Variants in ZMYM4 observed in about 807,000 individuals in gnomAD.
The protein encoded by ZMYM4 is zinc finger MYM-type protein 4.
A neutral mutation model predicts 183.2 loss-of-function variants in ZMYM4; 31 were observed. That is an observed-to-expected ratio of 0.17 (90% CI 0.13 to 0.23). The LOEUF (loss-of-function observed/expected upper bound fraction) is 0.23. Ranked by LOEUF, ZMYM4 falls within the 10% of genes least tolerant of loss-of-function variation. The pLI is 1.00. For missense variants in ZMYM4, 1,273 were observed against 1,840.3 expected (o/e 0.69, Z 5.64); for synonymous variants, 592 against 631.2 (o/e 0.94, Z 0.93).
intron 1 of ZMYM4, among the ~76,000 whole-genome samples, chr1:35,291,286 TC>T (rs149653353): frequency 7.2e-5 from 11 of 152,150 alleles, no homozygotes; most frequent in African/African-American, 2.7e-4. Flanking sequence ...GTTTTCACTT[TC>T]TTTTTTTTTG....
chr1:35,290,689 C>T (rs1307291496), intron 1 of ZMYM4, among the ~76,000 whole-genome samples: 1 of 152,104 alleles, frequency 6.6e-6, no homozygotes, highest in African/African-American at 2.4e-5. Flanking sequence ...CTTGGCCTTC[C>T]AAAGTGTGTT....
chr1:35,270,556 C>G (rs994825953), intron 1 of ZMYM4, among the ~76,000 whole-genome samples: 3 of 152,078 alleles, frequency 2.0e-5, no homozygotes, highest in Non-Finnish European at 4.4e-5. Flanking sequence ...GCCAGGAGTT[C>G]GAGACCAGCC....
intron 2 of ZMYM4, among the ~76,000 whole-genome samples, chr1:35,344,693 T>C (rs973164761): frequency 6.6e-6 from 1 of 152,198 alleles, no homozygotes; most frequent in African/African-American, 2.4e-5. Flanking sequence ...TTATGATATA[T>C]TATTTGTTTT....
chr1:35,320,385 A>G (rs907068744), intron 1 of ZMYM4, among the ~76,000 whole-genome samples: 1 of 152,152 alleles, frequency 6.6e-6, no homozygotes, highest in Non-Finnish European at 1.5e-5. Context: ...TGGCATGCCC[A>G]GAGAAGACGT....
At chr1:35,350,654 C>T (rs1180075112) in intron 2 of ZMYM4, 3 of 227,630 alleles carry the variant, frequency 1.3e-5, no homozygotes, top group Non-Finnish European at 2.7e-5. Context: ...ATGTGCCCTT[C>T]CCACTCCCAG....
chr1:35,282,151 G>C (rs929691371), intron 1 of ZMYM4, among the ~76,000 whole-genome samples: 4 of 152,190 alleles, frequency 2.6e-5, no homozygotes, highest in Admixed American at 1.3e-4. Context: ...TTCTGGTATT[G>C]TGATGGTTTT....
chr1:35,332,681 A>G (rs1402758375), intron 2 of ZMYM4, among the ~76,000 whole-genome samples: 1 of 152,052 alleles, frequency 6.6e-6, no homozygotes. Context: ...TCAGTGAATA[A>G]GGCATAAGTT....
intron 5 of ZMYM4, among the ~76,000 whole-genome samples, chr1:35,362,845 G>A (rs1404274236): frequency 6.6e-6 from 1 of 152,042 alleles, no homozygotes; most frequent in African/African-American, 2.4e-5. Context: ...TGGGACCACA[G>A]GCGTGTACCA....
intron 1 of ZMYM4, among the ~76,000 whole-genome samples, chr1:35,287,218 ATTT>A (rs57318032): frequency 7.4e-6 from 1 of 135,360 alleles, no homozygotes; most frequent in Non-Finnish European, 1.6e-5. Context: ...GTTTTACTTA[ATTT>A]TTTTTTTTTT....
chr1:35,346,366 A>G (rs1228873475), intron 2 of ZMYM4, among the ~76,000 whole-genome samples: 1 of 152,202 alleles, frequency 6.6e-6, no homozygotes, highest in Non-Finnish European at 1.5e-5. Context: ...ATAGTTCTAT[A>G]GAGGTGAGAC....
At chr1:35,292,790 G>A (rs1263271277) in intron 1 of ZMYM4, among the ~76,000 whole-genome samples, 7 of 152,024 alleles carry the variant, frequency 4.6e-5, no homozygotes, top group South Asian at 2.1e-4. Context: ...GTGAGCCACC[G>A]CGCCCTGCGA....
chr1:35,295,815 A>G (rs1016464841), intron 1 of ZMYM4: 3 of 152,212 alleles, frequency 2.0e-5, no homozygotes, highest in Admixed American at 1.3e-4. Flanking sequence ...AACTTTGGAA[A>G]CTGGGAAAAT....
At chr1:35,410,753 G>A (rs927048034) in intron 26 of ZMYM4, among the ~76,000 whole-genome samples, 2 of 151,458 alleles carry the variant, frequency 1.3e-5, no homozygotes, top group African/African-American at 2.4e-5. Context: ...GCCTCCCAAT[G>A]TGCTGGCTTT....
chr1:35,284,587 G>T (rs1388389032), intron 1 of ZMYM4, among the ~76,000 whole-genome samples: 1 of 152,202 alleles, frequency 6.6e-6, no homozygotes, highest in East Asian at 1.9e-4. Context: ...TTGAAAGTCA[G>T]TTGACCATCG....
intron 2 of ZMYM4, among the ~76,000 whole-genome samples, chr1:35,344,060 C>T (rs1643302286): frequency 6.7e-6 from 1 of 150,122 alleles, no homozygotes; most frequent in African/African-American, 2.4e-5. Context: ...TTTCTTTTTT[C>T]CTTTTTTTTT....
intron 2 of ZMYM4, among the ~76,000 whole-genome samples, chr1:35,355,227 T>TA (rs1024538179): frequency 9.2e-5 from 13 of 141,858 alleles, no homozygotes; most frequent in African/African-American, 3.1e-4. Context: ...TTTTTTTTTT[T>TA]AAGTAGAGAC....
intron 26 of ZMYM4, 50 bp downstream of exon 26, chr1:35,408,209 G>A: frequency 6.2e-7 from 1 of 1,601,082 alleles, no homozygotes; most frequent in Non-Finnish European, 8.5e-7. Context: ...CCATTGACCA[G>A]AATATGTCCC....
chr1:35,404,480 C>G (rs1644967036), intron 23 of ZMYM4, among the ~76,000 whole-genome samples: 1 of 152,194 alleles, frequency 6.6e-6, no homozygotes, highest in South Asian at 2.1e-4. Context: ...TTAGTTCCAT[C>G]ACAGAAATTT....
chr1:35,414,865 G>A (rs1640049989), intron 27 of ZMYM4, among the ~76,000 whole-genome samples: 1 of 151,874 alleles, frequency 6.6e-6, no homozygotes, highest in Non-Finnish European at 1.5e-5. Context: ...TGGGCAACAA[G>A]GTGAAACTCT....
Sources: gnomAD v4.1 joint callset for allele counts (sites outside exome capture counted in the v4.1 genomes callset) on GRCh38, gnomAD v4.1.1 for gene constraint, MANE v1.5 for transcripts, NCBI Gene and HGNC (gene_info 2026-07-23, HGNC 2026-07-21) for gene names.